The following NMU variants were observed in gnomAD, a reference collection of about 807,000 sequenced individuals.
NMU encodes the protein neuromedin-U.
Under a neutral mutation model 35.4 loss-of-function variants are expected in NMU, and 29 were observed. The ratio of observed to expected loss-of-function variants is 0.82; its 90% CI spans 0.61 to 1.12. The LOEUF is 1.12. Ranked by LOEUF, NMU falls within the 50% of genes most tolerant of loss-of-function variation. The pLI is 0.00. For synonymous variants in NMU, 78 were observed against 81.3 expected, an observed-to-expected ratio of 0.96 and a Z score of 0.22; for missense variants, 199 against 206.2, an observed-to-expected ratio of 0.97 and a Z score of 0.21.
intron 3 of NMU, among the ~76,000 whole-genome samples, chr4:55,612,717 G>C (rs766951978): frequency 3.3e-5 from 5 of 152,106 alleles, no homozygotes; most frequent in Admixed American, 6.5e-5. Context: ...CAAAGCAAGT[G>C]CATTTTCCCC....
intron 4 of NMU, among the ~76,000 whole-genome samples, chr4:55,607,729 C>T (rs886193137): frequency 4.8e-4 from 73 of 152,184 alleles, no homozygotes; most frequent in Non-Finnish European, 9.7e-4. Context: ...TGGAAACATC[C>T]TAAATATTCA....
chr4:55,596,117 GTATATC>G (rs1704240592), intron 9 of NMU, among the ~76,000 whole-genome samples: 1 of 151,966 alleles, frequency 6.6e-6, no homozygotes, highest in African/African-American at 2.4e-5. Flanking sequence ...TTTACTCCTT[GTATATC>G]TATTTCCTCC....
At chr4:55,606,681 C>CT (rs541449403) in intron 6 of NMU, among the ~76,000 whole-genome samples, 9,334 of 139,870 alleles carry the variant, frequency 0.067, 366 homozygotes, top group Middle Eastern at 0.099. Context: ...TCTTTCTTTT[C>CT]TTTTTTTTTT....
chr4:55,601,098 TC>T (rs1437690728), intron 7 of NMU, among the ~76,000 whole-genome samples: 1 of 152,138 alleles, frequency 6.6e-6, no homozygotes, highest in Non-Finnish European at 1.5e-5. Flanking sequence ...GGATAGATGT[TC>T]CTAATATAAT....
Position 55,607,457 on chromosome 4 carries a change from C to T in NMU, c.289G>A (p.Glu97Lys). The T allele has an allele frequency of 1.0e-6, 1 of 982,572 alleles. No individual in the cohort carries two copies. The highest frequency in any genetic ancestry group is 1.6e-6 in the Non-Finnish European group (1 of 632,914). The allele number at this position is 982,572 out of a possible 1,614,324, so 60.9% of individuals were successfully genotyped here. The change falls in exon 5 of 10, where the codon GAA (glutamate) becomes AAA (lysine). Residue 97 changes from glutamate (E) to lysine (K), a missense_variant. Coordinates refer to ENST00000264218, the MANE Select transcript of NMU (RefSeq NM_006681.4). Reference sequence around the variant, plus strand: ...CTTACCCTTTTAGTATTATCTTTTTCATCTTGTTCCTATTGAAAAGAGATA... The same window carrying T: ...CTTACCCTTTTAGTATTATCTTTTTTATCTTGTTCCTATTGAAAAGAGATA... ...GMLPKPQEQD[E>K]KDNTKRFLFH... is the part of the protein sequence containing the mutation.
chr4:55,626,440 C>A (rs560580240), intron 2 of NMU, among the ~76,000 whole-genome samples: 127 of 152,338 alleles, frequency 8.3e-4, no homozygotes, highest in African/African-American at 2.9e-3. Flanking sequence ...CAGGGTGGCT[C>A]ACACCTGTAA....
Position 55,605,556 on chromosome 4 carries a change from C to T in NMU, c.361-207G>A, listed in dbSNP as rs17085942. On this transcript the variant is annotated intron_variant, in intron 6 of 9. Transcript: ENST00000264218. ...AGAGGTGGGATAAAATTTGGTAGCT[C>T]TACGCTGGGATTTTTATCCTCATAT... 7.8e-3 allele frequency among the ~76,000 whole-genome samples: 1,185 copies of T among 152,280 alleles called. 21 individuals carry two copies. The highest frequency in any genetic ancestry group is 0.027 in the African/African-American group (1,128 of 41,560).
In NMU at chr4:55,636,058, G is replaced by A; in HGVS notation, c.112+23C>T. 6.5e-7 allele frequency: 1 copy of A among 1,531,616 alleles called. No homozygotes were observed. The allele number at this position is 1,531,616 out of a possible 1,614,324, so 94.9% of individuals were successfully genotyped here. ...AGAGAGGCGCGCATGGCGTGGAAGC[G>A]GCCGGGTGCGGGGCCGTCTTACCTC... On this transcript the variant is annotated intron_variant, in intron 1 of 9. Coordinates refer to ENST00000264218, the MANE Select transcript of NMU (RefSeq NM_006681.4). The surrounding 1 kb of genome is among the most constrained non-coding windows in gnomAD (Gnocchi z 4.0).
intron 3 of NMU, among the ~76,000 whole-genome samples, chr4:55,614,302 G>T (rs1374848170): frequency 1.3e-5 from 2 of 151,954 alleles, no homozygotes; most frequent in Non-Finnish European, 2.9e-5. Flanking sequence ...TTATTTGAGA[G>T]CCAAATCAGT....
At chr4:55,635,747 G>A (rs1715876142) in intron 1 of NMU, among the ~76,000 whole-genome samples, 6 of 152,202 alleles carry the variant, frequency 3.9e-5, no homozygotes, top group Admixed American at 3.9e-4. Flanking sequence ...TTTAGTACCC[G>A]TTTCCACGGG....
chr4:55,598,682 A>G lies in NMU; in HGVS notation c.*4+460T>C, dbSNP rs956724799. Among the ~76,000 whole-genome samples, 3 of 152,280 alleles carry G rather than the reference A, an allele frequency of 2.0e-5. No individual in the cohort carries two copies. The East Asian group carries it at 5.8e-4, about 29-fold the overall frequency. ...TAAAATATTCTCTAGAAACTGGTAA[A>G]TCACTAGCTTTTATAAAGAATCTTT... On this transcript the variant is annotated intron_variant, in intron 9 of 9. Transcript: ENST00000264218.
rs1406337656 is a variant in NMU, at chr4:55,611,505, T to G, written c.220-2326A>C. On this transcript the variant is annotated intron_variant, in intron 3 of 9. Coordinates refer to ENST00000264218, the MANE Select transcript of NMU (RefSeq NM_006681.4). ...GTTTATGAAATCTGCAGTAGTGTAT[T>G]GTAATGTCCTAGGCCTTCACATTCA... Among the ~76,000 whole-genome samples the G allele has an allele frequency of 2.6e-5, 4 of 152,196 alleles. No homozygotes were observed. The East Asian group carries it at 7.7e-4, about 29-fold the overall frequency.
intron 2 of NMU, among the ~76,000 whole-genome samples, chr4:55,619,705 G>C (rs1734298656): frequency 7.6e-6 from 1 of 130,926 alleles, no homozygotes; most frequent in South Asian, 3.2e-4. Flanking sequence ...CTCCACCTCT[G>C]GGGGCAGGGC....
At chr4:55,633,629 G>A (rs140341662) in intron 1 of NMU, among the ~76,000 whole-genome samples, 29 of 152,212 alleles carry the variant, frequency 1.9e-4, no homozygotes, top group African/African-American at 7.0e-4. Context: ...CACAGTATAC[G>A]CTGGAAATAA....
At chr4:55,619,849 C>G (rs796219138) in intron 2 of NMU, among the ~76,000 whole-genome samples, 3 of 134,810 alleles carry the variant, frequency 2.2e-5, no homozygotes, top group Non-Finnish European at 3.3e-5. Flanking sequence ...TCAAGTGGGT[C>G]CCTGACCCCT....
intron 4 of NMU, among the ~76,000 whole-genome samples, chr4:55,608,051 T>G (rs1733769085): frequency 6.6e-6 from 1 of 151,794 alleles, no homozygotes; most frequent in South Asian, 2.1e-4. Context: ...GGCGAGCGCC[T>G]GTAGTCCCAG....
At chr4:55,610,784 A>G (rs1323197793) in intron 3 of NMU, among the ~76,000 whole-genome samples, 2 of 152,238 alleles carry the variant, frequency 1.3e-5, no homozygotes, top group Non-Finnish European at 2.9e-5. Flanking sequence ...CAATGAGTCA[A>G]TGATAGAATG....
intron 4 of NMU, among the ~76,000 whole-genome samples, chr4:55,607,776 G>T (rs189091478): frequency 1.3e-5 from 2 of 152,280 alleles, no homozygotes; most frequent in East Asian, 3.9e-4. Context: ...ATCATGACAT[G>T]ATGGAATATT....
intron 4 of NMU, among the ~76,000 whole-genome samples, chr4:55,608,571 T>C (rs1733798794): frequency 6.6e-6 from 1 of 152,170 alleles, no homozygotes; most frequent in Non-Finnish European, 1.5e-5. Context: ...ATCCATAAGA[T>C]AGAGATTATA....
Sources: gnomAD v4.1 joint callset for allele counts (sites outside exome capture counted in the v4.1 genomes callset) on GRCh38, gnomAD v4.1.1 for gene constraint, Gnocchi (gnomAD v3.1) non-coding constraint, MANE v1.5 for transcripts, NCBI Gene and HGNC (gene_info 2026-07-23, HGNC 2026-07-21) for gene names.